LENG8: variants seen among roughly 807,000 people sequenced by gnomAD.
LENG8 encodes leukocyte receptor cluster member 8.
Under a neutral mutation model 102.1 loss-of-function variants are expected in LENG8, and 28 were observed. That is an observed-to-expected ratio of 0.27 (90% confidence interval 0.20 to 0.38). The LOEUF (loss-of-function observed/expected upper bound fraction) is 0.38, where lower values mean the gene tolerates loss of function less well. Ranked by LOEUF, LENG8 falls within the 10% of genes least tolerant of loss-of-function variation. The pLI is 1.00. For synonymous variants in LENG8, 531 were observed against 456.7 expected, an observed-to-expected ratio of 1.16 and a Z score of -2.07; for missense variants, 1,022 against 1,113.9, an observed-to-expected ratio of 0.92 and a Z score of 1.17.
chr19:54,456,836 A>C lies in LENG8; in HGVS notation c.1646A>C (p.Gln549Pro), dbSNP rs1188806090. 1 of 1,611,006 alleles carries C rather than the reference A, an allele frequency of 6.2e-7. No homozygotes were observed. The highest frequency in any genetic ancestry group is 2.2e-5 in the East Asian group (1 of 44,854). The change falls in exon 11 of 16, where the codon CAG (glutamine) becomes CCG (proline). Residue 549 changes from glutamine to proline, a missense_variant. Gln to Pro is a moderately conservative substitution (Grantham distance 76, BLOSUM62 -1). This residue lies in a region of LENG8 where 158 missense variants were observed against 229.0 expected (regional missense o/e 0.69). Transcript: ENST00000326764. The part of the protein sequence containing the change: ...SGADPDWQEL[Q>P]IVGTCPDITK... ...GCTGACCCTGACTGGCAGGAGCTGC[A>C]GATCGTGGGCACCTGCCCTGACATC... is the stretch of plus-strand genomic sequence containing the variant.
chr19:54,455,892 C>G (rs971555575), intron 8 of LENG8, 75 bp from the exon 9 acceptor site: 5 of 1,503,916 alleles, frequency 3.3e-6, no homozygotes, highest in African/African-American at 1.4e-5. Context: ...GGGTCGGTAC[C>G]TTGAGGGAGG....
At position 54,461,967 on chromosome 19, in the gene LENG8, C is replaced by T. The variant is rs2084592970; in HGVS notation, c.*1039C>T. The T allele has an allele frequency of 2.7e-6, 3 of 1,114,810 alleles. No individual in the cohort carries two copies. Among genetic ancestry groups the T allele is most frequent in the Non-Finnish European group, 4.1e-6 (3 of 740,028 alleles). 69.1% of individuals were successfully genotyped at this position (1,114,810 alleles called of 1,614,324 possible). On this transcript the variant is annotated 3_prime_UTR_variant, in exon 16 of 16. Transcript: ENST00000326764. ...TCCTTCCTTTCCTTGGAGCACTGAG[C>T]ACCATTTGGAAGCTTGAGAGAAACC...
intron 13 of LENG8, 36 bp from the exon 14 acceptor site, chr19:54,458,067 A>G: frequency 1.2e-6 from 2 of 1,611,452 alleles, no homozygotes; most frequent in South Asian, 1.1e-5. Flanking sequence ...CAGCACCCTC[A>G]CTCTGCTCTC....
At position 54,456,702 on chromosome 19, in the gene LENG8, G is replaced by T. The variant is rs1366737443; in HGVS notation, c.1512G>T (p.Glu504Asp). The change falls in exon 11 of 16, where the codon GAG (glutamate) becomes GAT (aspartate). Residue 504 changes from glutamate (E) to aspartate (D), a missense_variant. Coordinates refer to ENST00000326764, the MANE Select transcript of LENG8 (RefSeq NM_052925.4). ...CGGCGCTGGAGTGTGAGGACCCGGA[G>T]CGAGAGCTGAAGAAGCAGAAGCGGG... is the stretch of plus-strand genomic sequence containing the variant. The part of the protein sequence containing the change: ...KMAALECEDP[E>D]RELKKQKRAA... The T allele has an allele frequency of 8.7e-6, 14 of 1,613,398 alleles. No homozygotes were observed. Among genetic ancestry groups the T allele is most frequent in the Non-Finnish European group, 1.1e-5 (13 of 1,179,792 alleles).
At position 54,452,132 on chromosome 19, in the gene LENG8, G is replaced by A. The variant is rs1316395111; in HGVS notation, c.78G>A (p.Glu26=). 21 of 1,614,120 alleles carry A rather than the reference G, an allele frequency of 1.3e-5. No homozygotes were observed. Among genetic ancestry groups the A allele is most frequent in the Non-Finnish European group, 1.8e-5 (21 of 1,179,998 alleles). ...GCATGGTGGCTGGGGCAGGCCGAGA[G>A]AATGGCATGGAGACGCCGATGCACG... is the stretch of plus-strand genomic sequence containing the variant. ...QYSMVAGAGR[E]NGMETPMHEN... is the part of the protein sequence containing the mutation. Residue 26 remains glutamate (E), a synonymous_variant, in exon 3 of 16, where the codon GAG becomes GAA. Transcript: ENST00000326764.
intron 8 of LENG8, 145 bp from the exon 9 acceptor site, chr19:54,455,822 T>G: frequency 1.1e-6 from 1 of 913,534 alleles, no homozygotes. Flanking sequence ...TGGGTTCGCG[T>G]CTCATTTCTG....
rs547928408 is a variant in LENG8, at chr19:54,452,507, G to A, written c.214-144G>A. On this transcript the variant is annotated intron_variant, in intron 3 of 15. Transcript: ENST00000326764. ...GGTCTCTAACGTGCGTGAGTCTCAT[G>A]GTAGAGACAGTGGCTCACTTTGCAG... 181 of 749,252 alleles carry A rather than the reference G, an allele frequency of 2.4e-4. 1 individual carries two copies. In the African/African-American group the frequency reaches 2.8e-3, roughly 12 times the overall value. The allele number at this position is 749,252 out of a possible 1,614,324, so 46.4% of individuals were successfully genotyped here.
chr19:54,459,868 C>T (rs934290992), intron 15 of LENG8: 5 of 1,167,206 alleles, frequency 4.3e-6, no homozygotes, highest in South Asian at 1.6e-5. Flanking sequence ...GCTTAGTCTG[C>T]TGCCATGATG....
intron 1 of LENG8, among the ~76,000 whole-genome samples, chr19:54,450,626 T>TTA (rs200946511): frequency 5.4e-5 from 8 of 149,490 alleles, no homozygotes; most frequent in African/African-American, 2.0e-4. Context: ...AGCTTTTTTT[T>TTA]TTTTTTTTTT....
chr19:54,450,416 G>A (rs1050166097), intron 1 of LENG8, among the ~76,000 whole-genome samples: 5 of 152,030 alleles, frequency 3.3e-5, no homozygotes, highest in Non-Finnish European at 7.4e-5. Context: ...GTTAACTTCC[G>A]GAAAATCCCC....
At position 54,456,733 on chromosome 19, in the gene LENG8, C is replaced by T. The variant is rs746635625; in HGVS notation, c.1543C>T (p.Arg515Cys). 12 of 1,612,514 alleles carry T rather than the reference C, an allele frequency of 7.4e-6. No individual in the cohort carries two copies. The highest frequency in any genetic ancestry group is 4.5e-5 in the East Asian group (2 of 44,786). Residue 515 changes from arginine to cysteine, a missense_variant, in exon 11 of 16, where the codon CGC becomes TGC. Arg to Cys is a radical substitution (Grantham distance 180). Around this residue, in one of 7 missense-constraint regions of LENG8, gnomAD observed 326 missense variants for 324.5 expected, o/e 1.00. Coordinates refer to ENST00000326764, the MANE Select transcript of LENG8 (RefSeq NM_052925.4). ...GCTGAAGAAGCAGAAGCGGGCAGCC[C>T]GCTTCCAGCACGGACACTCCCGCCG... ...RELKKQKRAARFQHGHSRRLR... is the reference protein window; with the variant it reads ...RELKKQKRAACFQHGHSRRLR...
chr19:54,451,215 C>T, intron 1 of LENG8, 75 bp from the exon 2 acceptor site: 1 of 948,622 alleles, frequency 1.1e-6, no homozygotes, highest in Admixed American at 1.8e-5. Flanking sequence ...TTGAGTCCAT[C>T]TACTTTTCTT....
At position 54,456,450 on chromosome 19, in the gene LENG8, C is replaced by T. The variant is rs778199336; in HGVS notation, c.1430C>T (p.Ala477Val). 29 of 1,605,922 alleles carry T rather than the reference C, an allele frequency of 1.8e-5. No homozygotes were observed. The highest frequency in any genetic ancestry group is 3.4e-5 in the Admixed American group (2 of 59,682). ...GAHMDRGRGR[A>V]QRGKRHDLAP... ...CATATGGATCGGGGCCGAGGCAGGG[C>T]GCAGCGTGGGAAGAGGTGAGACTGT... The change falls in exon 10 of 16, where the codon GCG (alanine) becomes GTG (valine). Residue 477 changes from alanine (A) to valine (V), a missense_variant. This residue lies in a region of LENG8 where 326 missense variants were observed against 324.5 expected (regional missense o/e 1.00). Transcript: ENST00000326764.
intron 15 of LENG8, chr19:54,459,859 C>CT: frequency 8.6e-7 from 1 of 1,163,968 alleles, no homozygotes; most frequent in South Asian, 1.7e-5. Context: ...CAGGAGGCTG[C>CT]TTAGTCTGCT....
At chr19:54,459,834 A>G (rs2084439798) in intron 15 of LENG8, 1 of 1,157,342 alleles carries the variant, frequency 8.6e-7, no homozygotes, top group African/African-American at 1.6e-5. Flanking sequence ...TTGGGAAGTT[A>G]GAAGGAAGGG....
In LENG8 at chr19:54,456,466, G is replaced by A. The variant is rs2084250531; in HGVS notation, c.1445+1G>A. The A allele has an allele frequency of 6.2e-7, 1 of 1,601,540 alleles. No homozygotes were observed. The highest frequency in any genetic ancestry group is 1.1e-5 in the South Asian group (1 of 90,556). ...GAGGCAGGGCGCAGCGTGGGAAGAG[G>A]TGAGACTGTGTGAGGGCTCGACACA... is the stretch of plus-strand genomic sequence containing the variant. On this transcript the variant is annotated splice_donor_variant, in intron 10 of 15. Coordinates refer to ENST00000326764, the MANE Select transcript of LENG8 (RefSeq NM_052925.4). LOFTEE classifies it high-confidence loss of function.
chr19:54,461,062 GC>G lies in LENG8; in HGVS notation c.*139del. On this transcript the variant is annotated 3_prime_UTR_variant, in exon 16 of 16. Coordinates refer to ENST00000326764, the MANE Select transcript of LENG8 (RefSeq NM_052925.4). Reference sequence around the variant, plus strand: ...CGCTCCAGGAAGAGCCACCATCCCTGCCCCCGTTTTCCCACCGGGGAGTCTG... The same window carrying G: ...CGCTCCAGGAAGAGCCACCATCCCTGCCCCGTTTTCCCACCGGGGAGTCTG... 2 of 1,332,442 alleles carry G rather than the reference GC, an allele frequency of 1.5e-6. No individual in the cohort carries two copies. The highest frequency in any genetic ancestry group is 2.1e-6 in the Non-Finnish European group (2 of 971,342). The allele number at this position is 1,332,442 out of a possible 1,614,324, so 82.5% of individuals were successfully genotyped here. A position where few individuals can be genotyped will look rare whatever the true frequency, so the allele number is the denominator to read the frequency against.
Position 54,451,194 on chromosome 19 carries a change from C to T in LENG8, c.-55-96C>T, listed in dbSNP as rs112967588. On this transcript the variant is annotated intron_variant, in intron 1 of 15. Coordinates refer to ENST00000326764, the MANE Select transcript of LENG8 (RefSeq NM_052925.4). Reference sequence around the variant, plus strand: ...TTTTCAGTCAGCCTCCCCTTTTCTGCCCGGCTTCTCTTGAGTCCATCTACT... The same window carrying T: ...TTTTCAGTCAGCCTCCCCTTTTCTGTCCGGCTTCTCTTGAGTCCATCTACT... 465 of 788,776 alleles carry T rather than the reference C, an allele frequency of 5.9e-4. 3 individuals carry two copies. In the African/African-American group the frequency reaches 7.1e-3, roughly 12 times the overall value. The allele number at this position is 788,776 out of a possible 1,614,324, so 48.9% of individuals were successfully genotyped here.
rs1484370595 is a variant in LENG8, at chr19:54,449,990, C to T, written c.-56+680C>T. Reference sequence around the variant, plus strand: ...CAGACTCCCGTTCCTATCCCGTCAACTCGTGGGAATTCCGGTTCTCCTGCG... The same window carrying T: ...CAGACTCCCGTTCCTATCCCGTCAATTCGTGGGAATTCCGGTTCTCCTGCG... On this transcript the variant is annotated intron_variant, in intron 1 of 15. Coordinates refer to ENST00000326764, the MANE Select transcript of LENG8 (RefSeq NM_052925.4). Among the ~76,000 whole-genome samples the T allele has an allele frequency of 2.0e-5, 3 of 152,330 alleles. No individual in the cohort carries two copies. In the East Asian group the frequency reaches 5.8e-4, roughly 29 times the overall value.
Sources: allele counts gnomAD v4.1 joint callset (sites outside exome capture counted in the v4.1 genomes callset), GRCh38; gene constraint gnomAD v4.1.1; regional missense constraint gnomAD v4.1.1; transcripts MANE v1.5; gene names NCBI Gene and HGNC (gene_info 2026-07-23, HGNC 2026-07-21).